SEMA6D: variants seen among roughly 807,000 people sequenced by gnomAD.
The protein encoded by SEMA6D is semaphorin-6D.
SEMA6D carries 35 observed loss-of-function variants against 106.6 expected under a neutral mutation model. The ratio of observed to expected loss-of-function variants is 0.33; its 90% confidence interval spans 0.25 to 0.44. SEMA6D has a LOEUF of 0.44. SEMA6D is among the 20% of genes least tolerant of loss of function. The pLI is 1.00. For synonymous variants in SEMA6D, 499 were observed against 487.7 expected, an observed-to-expected ratio of 1.02 and a Z score of -0.31; for missense variants, 1,185 against 1,345.9, an observed-to-expected ratio of 0.88 and a Z score of 1.87.
At chr15:47,638,730 G>A (rs756395774) in intron 4 of SEMA6D, among the ~76,000 whole-genome samples, 25 of 152,154 alleles carry the variant, frequency 1.6e-4, no homozygotes, top group Non-Finnish European at 3.1e-4. Context: ...CACCAAGGAG[G>A]CGCTTCCTCT....
At chr15:47,294,665 A>G (rs2035734873) in intron 1 of SEMA6D, among the ~76,000 whole-genome samples, 1 of 152,198 alleles carries the variant, frequency 6.6e-6, no homozygotes, top group Admixed American at 6.5e-5. Context: ...CACAGAACAC[A>G]AAACAAAACA....
At chr15:47,720,191 T>G (rs2079333585) in intron 1 of SEMA6D, among the ~76,000 whole-genome samples, 1 of 152,156 alleles carries the variant, frequency 6.6e-6, no homozygotes, top group Admixed American at 6.5e-5. Flanking sequence ...AGCAACTATT[T>G]CTTACTGCAT....
chr15:47,694,507 A>G (rs1050191126), intron 4 of SEMA6D, among the ~76,000 whole-genome samples: 3 of 151,978 alleles, frequency 2.0e-5, no homozygotes, highest in African/African-American at 4.8e-5. Flanking sequence ...TAAACCTCCA[A>G]AGGAAAAGTC....
chr15:47,215,722 T>G (rs916936703), intron 1 of SEMA6D, among the ~76,000 whole-genome samples: 2 of 152,140 alleles, frequency 1.3e-5, no homozygotes, highest in African/African-American at 4.8e-5. Flanking sequence ...GCTTCTACTT[T>G]TGGATGTTAT....
intron 1 of SEMA6D, among the ~76,000 whole-genome samples, chr15:47,357,444 G>A (rs1032614225): frequency 3.0e-4 from 45 of 152,308 alleles, no homozygotes; most frequent in African/African-American, 1.0e-3. Flanking sequence ...AGCAGTGTCT[G>A]GAGGAGCCTA....
chr15:47,513,474 G>A (rs1232906532), intron 3 of SEMA6D, among the ~76,000 whole-genome samples: 1 of 152,088 alleles, frequency 6.6e-6, no homozygotes. Flanking sequence ...GCCCTTCCTT[G>A]GTCTTGGGAA....
chr15:47,251,707 CA>C (rs2033520538), intron 1 of SEMA6D, among the ~76,000 whole-genome samples: 1 of 152,022 alleles, frequency 6.6e-6, no homozygotes, highest in African/African-American at 2.4e-5. Flanking sequence ...TATATCTCAG[CA>C]ATGTCTACTT....
intron 1 of SEMA6D, among the ~76,000 whole-genome samples, chr15:47,314,262 G>A (rs568325348): frequency 6.6e-6 from 1 of 152,040 alleles, no homozygotes; most frequent in South Asian, 2.1e-4. Flanking sequence ...AAGATCTTTG[G>A]GCCATTTTTT....
intron 1 of SEMA6D, among the ~76,000 whole-genome samples, chr15:47,352,637 A>T (rs1265869653): frequency 6.6e-6 from 1 of 152,224 alleles, no homozygotes; most frequent in African/African-American, 2.4e-5. Flanking sequence ...TGTACATTGG[A>T]TGCTAAAGAG....
chr15:47,682,325 G>A (rs1008921416), intron 4 of SEMA6D, among the ~76,000 whole-genome samples: 7 of 152,044 alleles, frequency 4.6e-5, no homozygotes, highest in Non-Finnish European at 1.0e-4. Context: ...CCGCCACCGC[G>A]CCTGGCTAAT....
At chr15:47,572,110 A>G (rs1190202980) in intron 3 of SEMA6D, among the ~76,000 whole-genome samples, 2 of 152,238 alleles carry the variant, frequency 1.3e-5, no homozygotes, top group Non-Finnish European at 2.9e-5. Flanking sequence ...ACGAGGCAGT[A>G]CAGGTTTCTG....
intron 1 of SEMA6D, among the ~76,000 whole-genome samples, chr15:47,388,194 A>G (rs533076492): frequency 2.1e-4 from 32 of 152,272 alleles, no homozygotes; most frequent in African/African-American, 7.5e-4. Flanking sequence ...ATCAATGAAT[A>G]TATACCCATA....
chr15:47,526,357 G>A lies in SEMA6D; in HGVS notation c.-87+55812G>A, dbSNP rs187474464. 5.3e-4 allele frequency among the ~76,000 whole-genome samples: 81 copies of A among 152,220 alleles called. 1 individual carries two copies. Among genetic ancestry groups the A allele is most frequent in the African/African-American group, 1.6e-3 (68 of 41,540 alleles). The stretch of plus-strand genomic sequence containing the variant: ...AAAGCTGGAAAGGGGGGTCCTTTTT[G>A]GGGGCTGAATACCGAACAGCATCTC... On this transcript the variant is annotated intron_variant, in intron 3 of 19. Transcript: ENST00000558014.
chr15:47,637,290 G>C (rs187666671), intron 4 of SEMA6D, among the ~76,000 whole-genome samples: 20 of 152,286 alleles, frequency 1.3e-4, no homozygotes, highest in African/African-American at 3.8e-4. Context: ...CCCTAAGACA[G>C]CTTCTGGTAA....
chr15:47,282,093 A>T (rs960789535), intron 1 of SEMA6D, among the ~76,000 whole-genome samples: 3 of 152,218 alleles, frequency 2.0e-5, no homozygotes, highest in Middle Eastern at 3.4e-3. Context: ...TTAGTATCCT[A>T]CTCTCTAAAC....
At chr15:47,560,881 C>CT (rs1230226357) in intron 3 of SEMA6D, among the ~76,000 whole-genome samples, 1 of 151,982 alleles carries the variant, frequency 6.6e-6, no homozygotes, top group African/African-American at 2.4e-5. Flanking sequence ...CTCGGTCTAA[C>CT]AGAAGCCAGG....
intron 4 of SEMA6D, among the ~76,000 whole-genome samples, chr15:47,671,930 T>G (rs2078145519): frequency 6.6e-6 from 1 of 152,194 alleles, no homozygotes; most frequent in South Asian, 2.1e-4. Context: ...ATACTACTAT[T>G]TATTGAGCAT....
intron 2 of SEMA6D, among the ~76,000 whole-genome samples, chr15:47,449,829 T>C (rs1301156427): frequency 6.6e-6 from 1 of 152,086 alleles, no homozygotes; most frequent in East Asian, 1.9e-4. Flanking sequence ...CTTTATTTCT[T>C]GCAAGAAAAT....
chr15:47,763,206 C>G (rs956156405), intron 9 of SEMA6D, 102 bp downstream of exon 9: 3 of 857,370 alleles, frequency 3.5e-6, no homozygotes, highest in African/African-American at 3.4e-5. Flanking sequence ...TTCCAGCTCT[C>G]AATTCAGTAT....
Sources: allele counts gnomAD v4.1 joint callset (sites outside exome capture counted in the v4.1 genomes callset), GRCh38; gene constraint gnomAD v4.1.1; transcripts MANE v1.5; gene names NCBI Gene and HGNC (gene_info 2026-07-23, HGNC 2026-07-21).